The following CNOT2 variants were observed in gnomAD, a reference collection of about 807,000 sequenced individuals.
The protein encoded by CNOT2 is CCR4-NOT transcription complex subunit 2, also known as CC chemokine receptor 4-negative regulator of transcription 2.
A neutral mutation model predicts 72.1 loss-of-function variants in CNOT2; 7 were observed. The observed-to-expected ratio is 0.10, with a 90% CI of 0.06 to 0.18. The LOEUF (loss-of-function observed/expected upper bound fraction) is 0.18. CNOT2 is among the 10% of genes least tolerant of loss of function. CNOT2 has a pLI of 1.00. For synonymous variants in CNOT2, 196 were observed against 225.6 expected (o/e 0.87, Z 1.17); for missense variants, 345 against 660.3 (o/e 0.52, Z 5.23).
chr12:70,348,836 T>C (rs1418873915), intron 15 of CNOT2, among the ~76,000 whole-genome samples: 3 of 151,838 alleles, frequency 2.0e-5, no homozygotes, highest in African/African-American at 4.8e-5. Flanking sequence ...TATTTAAATA[T>C]GGATTTACAT....
intron 2 of CNOT2, chr12:70,285,475 C>T (rs1870721164): frequency 6.6e-6 from 1 of 152,186 alleles, no homozygotes; most frequent in Non-Finnish European, 1.5e-5. Context: ...CTTGGCCTCC[C>T]AAAGTGCTTG....
intron 4 of CNOT2, chr12:70,323,121 A>G (rs539202245): frequency 6.6e-6 from 1 of 151,826 alleles, no homozygotes; most frequent in South Asian, 2.1e-4. Context: ...AAAAACTTCA[A>G]AAAGCAGGTA....
intron 15 of CNOT2, 91 bp from the exon 16 acceptor site, chr12:70,353,738 G>T: frequency 6.5e-7 from 1 of 1,531,698 alleles, no homozygotes; most frequent in South Asian, 1.2e-5. Context: ...ATATATATTG[G>T]GTATTTTATT....
intron 3 of CNOT2, chr12:70,319,055 T>C (rs1877848818): frequency 1.3e-5 from 4 of 313,428 alleles, no homozygotes; most frequent in Non-Finnish European, 5.9e-6. Context: ...CTCAAGTTAG[T>C]GTGACTTTTA....
chr12:70,286,889 A>T (rs1232963500), intron 2 of CNOT2, among the ~76,000 whole-genome samples: 1 of 152,086 alleles, frequency 6.6e-6, no homozygotes, highest in East Asian at 1.9e-4. Flanking sequence ...GGGACTTAGA[A>T]ATCTTTAGTC....
chr12:70,261,936 A>G (rs1958790486), intron 1 of CNOT2, among the ~76,000 whole-genome samples: 1 of 151,698 alleles, frequency 6.6e-6, no homozygotes, highest in Non-Finnish European at 1.5e-5. Flanking sequence ...GTCAATTTTG[A>G]TAGTCTGTGA....
intron 2 of CNOT2, among the ~76,000 whole-genome samples, chr12:70,283,822 C>A (rs1361939107): frequency 6.6e-6 from 1 of 151,706 alleles, no homozygotes; most frequent in Non-Finnish European, 1.5e-5. Flanking sequence ...ATTTATACAG[C>A]TGCTTAAGAT....
intron 2 of CNOT2, among the ~76,000 whole-genome samples, chr12:70,283,930 ATT>A (rs776119049): frequency 1.3e-3 from 155 of 117,398 alleles, no homozygotes; most frequent in African/African-American, 4.4e-3. Context: ...CATGATGTAA[ATT>A]TTTTTTTTTT....
Position 70,299,894 on chromosome 12 carries a change from T to A in CNOT2, c.49-11001T>A, listed in dbSNP as rs1873583903. Among the ~76,000 whole-genome samples, 2 of 152,224 alleles carry A rather than the reference T, an allele frequency of 1.3e-5. 1 individual carries two copies. The highest frequency in any genetic ancestry group is 4.1e-4 in the South Asian group (2 of 4,828). On this transcript the variant is annotated intron_variant, in intron 2 of 15. Coordinates refer to ENST00000229195, the MANE Select transcript of CNOT2 (RefSeq NM_014515.7). ...ATCCTCTCTAGCACCTGTTGTTTCC[T>A]GACTTTTTAATGATTGCCATTCTAA...
chr12:70,259,328 A>G (rs1340473838), intron 1 of CNOT2, among the ~76,000 whole-genome samples: 1 of 151,526 alleles, frequency 6.6e-6, no homozygotes, highest in East Asian at 2.0e-4. Flanking sequence ...TTTTTTTAAT[A>G]TCCATAGGAA....
At chr12:70,248,490 T>C (rs1957993524) in intron 1 of CNOT2, among the ~76,000 whole-genome samples, 1 of 152,168 alleles carries the variant, frequency 6.6e-6, no homozygotes, top group Admixed American at 6.5e-5. Context: ...GTTCACGTGT[T>C]TGACTGCAGG....
At position 70,335,529 on chromosome 12, in the gene CNOT2, A is replaced by G. The variant is rs1880564647; in HGVS notation, c.741A>G (p.Pro247=). The change falls in exon 8 of 16, where the codon CCA becomes CCG. Residue 247 remains proline, a synonymous_variant. Transcript: ENST00000229195. ...GGGAAGGAAGTGGTAACCCAACTCC[A>G]TTAATAAACCCCTTGGCTGGAAGAG... ...NRREGSGNPT[P]LINPLAGRAP... 5.6e-6 allele frequency: 9 copies of G among 1,610,404 alleles called. No homozygotes were observed. The highest frequency in any genetic ancestry group is 7.6e-6 in the Non-Finnish European group (9 of 1,176,938).
chr12:70,352,887 T>G (rs1883044156), intron 15 of CNOT2, among the ~76,000 whole-genome samples: 1 of 152,138 alleles, frequency 6.6e-6, no homozygotes, highest in Admixed American at 6.5e-5. Context: ...GAAAGTTTGA[T>G]TAAAGTGAGC....
intron 7 of CNOT2, chr12:70,335,234 A>G (rs1406564125): frequency 4.5e-6 from 2 of 439,700 alleles, no homozygotes; most frequent in South Asian, 3.6e-5. Flanking sequence ...CTGGTTGCGT[A>G]TTCCTTTGCT....
At chr12:70,343,560 T>C (rs1288158455) in intron 13 of CNOT2, among the ~76,000 whole-genome samples, 1 of 152,224 alleles carries the variant, frequency 6.6e-6, no homozygotes, top group East Asian at 1.9e-4. Context: ...AACTGACTTG[T>C]GAATCATTCA....
Position 70,247,225 on chromosome 12 carries a change from C to T in CNOT2, c.-96+3745C>T, listed in dbSNP as rs185113344. ...CGTCGCTGAGGCTGGAGTGCAATGGCGTGATCTTGGCTCGCTACCACCTCC... is the reference window on the plus strand; with the variant it reads ...CGTCGCTGAGGCTGGAGTGCAATGGTGTGATCTTGGCTCGCTACCACCTCC... On this transcript the variant is annotated intron_variant, in intron 1 of 15. Transcript: ENST00000229195. Among the ~76,000 whole-genome samples, 328 of 151,486 alleles carry T rather than the reference C, an allele frequency of 2.2e-3. 1 individual carries two copies. The highest frequency in any genetic ancestry group is 3.1e-3 in the Non-Finnish European group (209 of 67,932).
rs554785212 is a variant in CNOT2, at chr12:70,339,198, G to T, written c.1178+376G>T. ...GTAGTATACTTCAGCCACTCCTTTA[G>T]TTATCCCTTTGACCTAGTCATTGTT... On this transcript the variant is annotated intron_variant, in intron 11 of 15. Coordinates refer to ENST00000229195, the MANE Select transcript of CNOT2 (RefSeq NM_014515.7). Among the ~76,000 whole-genome samples the T allele has an allele frequency of 1.2e-3, 183 of 151,422 alleles. 3 individuals are homozygous for T. The highest frequency in any genetic ancestry group is 1.4e-3 in the Non-Finnish European group (94 of 67,864).
At chr12:70,323,946 T>C (rs927493222) in intron 4 of CNOT2, 4 of 151,878 alleles carry the variant, frequency 2.6e-5, no homozygotes, top group Non-Finnish European at 5.9e-5. Context: ...TATTGAATAT[T>C]ATCTACTGTG....
chr12:70,353,048 G>A (rs1331574670), intron 15 of CNOT2, among the ~76,000 whole-genome samples: 1 of 150,826 alleles, frequency 6.6e-6, no homozygotes, highest in Non-Finnish European at 1.5e-5. Context: ...AGATTTTAAT[G>A]AGGTTAGAAT....
Sources: gnomAD v4.1 joint callset for allele counts (sites outside exome capture counted in the v4.1 genomes callset) on GRCh38, gnomAD v4.1.1 for gene constraint, MANE v1.5 for transcripts, NCBI Gene and HGNC (gene_info 2026-07-23, HGNC 2026-07-21) for gene names.